The following ZNF143 variants were observed in gnomAD, a reference collection of about 807,000 sequenced individuals.
The protein encoded by ZNF143 is SPH-binding factor.
Under a neutral mutation model 74.1 loss-of-function variants are expected in ZNF143, and 49 were observed. The ratio of observed to expected loss-of-function variants is 0.66; its 90% CI spans 0.53 to 0.84. ZNF143 has a LOEUF of 0.84. ZNF143 is among the 40% of genes least tolerant of loss of function. The pLI is 0.00. For synonymous variants in ZNF143, 304 were observed against 282.8 expected (o/e 1.07, Z -0.75); for missense variants, 637 against 793.4 (o/e 0.80, Z 2.37).
rs942956344 is a variant in ZNF143, at chr11:9,461,148, G to C, written c.-8+72G>C. 3 of 946,466 alleles carry C rather than the reference G, an allele frequency of 3.2e-6. No individual in the cohort carries two copies. In the African/African-American group the frequency reaches 5.3e-5, roughly 17 times the overall value. The allele number at this position is 946,466 out of a possible 1,614,324, so 58.6% of individuals were successfully genotyped here. A position where few individuals can be genotyped will look rare whatever the true frequency, so the allele number is the denominator to read the frequency against. On this transcript the variant is annotated intron_variant, in intron 1 of 15. Coordinates refer to ENST00000396602, the MANE Select transcript of ZNF143 (RefSeq NM_003442.6). ...TGGCCGCCGCCCTCAGCGCGGCGGC[G>C]CGGGCCCGCTTGGGCCCGGGCTCCG...
rs535291467 is a variant in ZNF143 at position 9,504,701 on chromosome 11, G to A, written c.1147+3431G>A. Among the ~76,000 whole-genome samples the A allele has an allele frequency of 1.4e-4, 14 of 99,810 alleles. 5 individuals carry two copies. The highest frequency in any genetic ancestry group is 3.4e-4 in the South Asian group (1 of 2,976). The allele number at this position is 99,810 out of a possible 152,430, so 65.5% of individuals were successfully genotyped here. ...TTTTTTTTTTTTTTTTTGAGACAGC[G>A]TCTCGCTCTGTTGCCCAGGCTGGAG... On this transcript the variant is annotated intron_variant, in intron 11 of 15. Transcript: ENST00000396602.
At chr11:9,522,078 A>T (rs149898705) in intron 14 of ZNF143, among the ~76,000 whole-genome samples, 1 of 152,046 alleles carries the variant, frequency 6.6e-6, no homozygotes, top group African/African-American at 2.4e-5. Context: ...AAAAAAAAAA[A>T]AAAAAAGTCA....
chr11:9,462,238 C>T (rs1192040596), intron 1 of ZNF143, among the ~76,000 whole-genome samples: 1 of 148,870 alleles, frequency 6.7e-6, no homozygotes, highest in East Asian at 2.0e-4. Context: ...GAGCAGTCAG[C>T]TGTCTACAGA....
rs1302556774 is a variant in ZNF143, at chr11:9,508,605, G to T, written c.1148-14G>T. ...TATGTAAAAGTTGAACTTTTTTTTG[G>T]TGTTGCTCTTTAGGAGAAAAGCCAT... On this transcript the variant is annotated splice_polypyrimidine_tract_variant and intron_variant, in intron 11 of 15. Transcript: ENST00000396602. 2 of 1,600,846 alleles carry T rather than the reference G, an allele frequency of 1.2e-6. No individual in the cohort carries two copies. Among genetic ancestry groups the T allele is most frequent in the African/African-American group, 1.3e-5 (1 of 74,718 alleles).
chr11:9,488,619 T>G (rs1847652232), intron 7 of ZNF143, among the ~76,000 whole-genome samples: 1 of 152,216 alleles, frequency 6.6e-6, no homozygotes, highest in Admixed American at 6.5e-5. Flanking sequence ...TTAGATCTTT[T>G]CATAGACTCC....
chr11:9,479,893 C>A (rs540791534), intron 7 of ZNF143, among the ~76,000 whole-genome samples: 27 of 152,316 alleles, frequency 1.8e-4, no homozygotes, highest in Non-Finnish European at 3.4e-4. Context: ...TCTGGGACTT[C>A]ATCATGACTC....
intron 7 of ZNF143, among the ~76,000 whole-genome samples, chr11:9,485,347 C>CTTTTTTTT (rs544497040): frequency 1.1e-4 from 12 of 110,444 alleles, no homozygotes; most frequent in East Asian, 2.4e-4. Context: ...TTCTCTCTCT[C>CTTTTTTTT]TTTTTTTTTT....
At chr11:9,501,992 A>G (rs1381962511) in intron 11 of ZNF143, among the ~76,000 whole-genome samples, 1 of 124,400 alleles carries the variant, frequency 8.0e-6, no homozygotes, top group South Asian at 2.5e-4. Context: ...GCTGGAGTGC[A>G]ATGGCGCGAT....
intron 13 of ZNF143, 119 bp downstream of exon 13, chr11:9,512,715 T>C: frequency 2.3e-6 from 3 of 1,294,998 alleles, no homozygotes; most frequent in Middle Eastern, 1.9e-4. Context: ...TTGGAAACCC[T>C]GAGGTTTTTC....
At chr11:9,501,927 T>C (rs1386331899) in intron 11 of ZNF143, among the ~76,000 whole-genome samples, 1 of 57,288 alleles carries the variant, frequency 1.7e-5, no homozygotes, top group African/African-American at 6.5e-5. Flanking sequence ...GATATATTCT[T>C]TTTTTTTTTT....
intron 14 of ZNF143, among the ~76,000 whole-genome samples, chr11:9,524,949 G>A (rs1027630801): frequency 6.6e-6 from 1 of 152,180 alleles, no homozygotes; most frequent in Non-Finnish European, 1.5e-5. Context: ...TCACTTAGGG[G>A]TAATAGAATC....
chr11:9,496,974 G>A (rs1345555106), intron 9 of ZNF143, among the ~76,000 whole-genome samples: 1 of 152,186 alleles, frequency 6.6e-6, no homozygotes, highest in Non-Finnish European at 1.5e-5. Context: ...AAGCTTTAAA[G>A]GCTGTCATAG....
chr11:9,513,849 C>G (rs944884051), intron 13 of ZNF143, among the ~76,000 whole-genome samples: 2 of 152,182 alleles, frequency 1.3e-5, no homozygotes, highest in African/African-American at 4.8e-5. Context: ...CATTGTGCCA[C>G]TACACTCCGG....
intron 11 of ZNF143, among the ~76,000 whole-genome samples, chr11:9,502,017 A>C (rs1381002096): frequency 7.8e-6 from 1 of 128,934 alleles, no homozygotes; most frequent in African/African-American, 3.0e-5. Flanking sequence ...GCTCACTGCA[A>C]CCTCCGCCTC....
chr11:9,501,363 CCTTT>C, intron 11 of ZNF143, 93 bp downstream of exon 11: 1 of 1,410,062 alleles, frequency 7.1e-7, no homozygotes, highest in African/African-American at 1.4e-5. Context: ...TCTCTTCCCT[CCTTT>C]CTATCACTTG....
chr11:9,527,382 A>T, intron 15 of ZNF143, 148 bp from the exon 16 acceptor site: 1 of 675,572 alleles, frequency 1.5e-6, no homozygotes, highest in Non-Finnish European at 2.6e-6. Flanking sequence ...TTGTTCTCTT[A>T]ATGTTTGAGT....
chr11:9,493,561 A>G (rs1328809345), intron 7 of ZNF143, among the ~76,000 whole-genome samples: 1 of 152,082 alleles, frequency 6.6e-6, no homozygotes, highest in Admixed American at 6.6e-5. Context: ...AAGTCTTTCT[A>G]TATTCTTGTC....
At chr11:9,501,822 G>A (rs1002331864) in intron 11 of ZNF143, among the ~76,000 whole-genome samples, 2 of 151,760 alleles carry the variant, frequency 1.3e-5, no homozygotes, top group East Asian at 3.9e-4. Flanking sequence ...TGAGTTCTGA[G>A]AGGTAGCCAG....
chr11:9,491,470 A>C (rs1028402740), intron 7 of ZNF143, among the ~76,000 whole-genome samples: 18 of 152,034 alleles, frequency 1.2e-4, no homozygotes, highest in African/African-American at 4.3e-4. Flanking sequence ...CCCCGTCTCT[A>C]CTAAAAACAC....
Sources: allele counts gnomAD v4.1 joint callset (sites outside exome capture counted in the v4.1 genomes callset), GRCh38; gene constraint gnomAD v4.1.1; transcripts MANE v1.5; gene names NCBI Gene and HGNC (gene_info 2026-07-23, HGNC 2026-07-21).